CIMAP2: variants seen among roughly 807,000 people sequenced by gnomAD.
CIMAP2 encodes ciliary microtubule associated protein 2, also known as ciliary microtubule-associated protein 2.
chr1:54,817,089 A>G, the CIMAP2 span: 1 of 1,614,050 alleles, frequency 6.2e-7, no homozygotes, highest in Admixed American at 1.7e-5. Context: ...TCCAAACGCT[A>G]CCTCTCAGAC....
the CIMAP2 span, among the ~76,000 whole-genome samples, chr1:54,839,465 C>T: frequency 6.6e-6 from 1 of 152,044 alleles, no homozygotes; most frequent in Non-Finnish European, 1.5e-5. Context: ...CTAACCTCTG[C>T]CTCCTGGGTT....
chr1:54,819,256 C>T, the CIMAP2 span, among the ~76,000 whole-genome samples: 1 of 152,178 alleles, frequency 6.6e-6, no homozygotes, highest in Non-Finnish European at 1.5e-5. Flanking sequence ...CTCCTACCCC[C>T]TCTCTTCTCA....
the CIMAP2 span, among the ~76,000 whole-genome samples, chr1:54,819,883 T>C: frequency 8.0e-5 from 12 of 149,744 alleles, no homozygotes; most frequent in Non-Finnish European, 1.3e-4. Flanking sequence ...CTTCCTTTCT[T>C]CTTTCCCTTC....
chr1:54,819,514 G>A, the CIMAP2 span, among the ~76,000 whole-genome samples: 7 of 152,188 alleles, frequency 4.6e-5, no homozygotes, highest in East Asian at 5.8e-4. Flanking sequence ...CTATAGGTGC[G>A]TGCCACCATG....
the CIMAP2 span, chr1:54,817,140 TGC>T: frequency 6.2e-7 from 1 of 1,613,756 alleles, no homozygotes; most frequent in South Asian, 1.1e-5. Context: ...CAGCTGGAGC[TGC>T]AGGCGAAGGG....
chr1:54,840,070 A>G, the CIMAP2 span, among the ~76,000 whole-genome samples: 1 of 152,210 alleles, frequency 6.6e-6, no homozygotes, highest in African/African-American at 2.4e-5. Context: ...AGTTTTGACA[A>G]ATGCATGTAG....
At chr1:54,840,993 A>G in the CIMAP2 span, among the ~76,000 whole-genome samples, 1 of 152,196 alleles carries the variant, frequency 6.6e-6, no homozygotes, top group Non-Finnish European at 1.5e-5. Flanking sequence ...CTGCCTCAAT[A>G]GTAGAAATGA....
the CIMAP2 span, among the ~76,000 whole-genome samples, chr1:54,809,871 G>A: frequency 5.2e-5 from 1 of 19,102 alleles, no homozygotes; most frequent in African/African-American, 1.1e-4. Flanking sequence ...TCAAAGTCCA[G>A]CCTGAAAAAA....
chr1:54,814,997 G>C, the CIMAP2 span: 3 of 1,614,070 alleles, frequency 1.9e-6, no homozygotes, highest in Admixed American at 5.0e-5. Flanking sequence ...TGACCTCCAA[G>C]GGGTCAGGTG....
chr1:54,839,648 G>A, the CIMAP2 span, among the ~76,000 whole-genome samples: 1 of 152,080 alleles, frequency 6.6e-6, no homozygotes. Flanking sequence ...AAAGTGCTAG[G>A]ATTATAGGCA....
At chr1:54,810,479 C>T in the CIMAP2 span, among the ~76,000 whole-genome samples, 112 of 152,284 alleles carry the variant, frequency 7.4e-4, no homozygotes, top group African/African-American at 2.7e-3. Context: ...CGTGGGAACC[C>T]TGGAAGGAGA....
At chr1:54,819,801 C>CTTT in the CIMAP2 span, among the ~76,000 whole-genome samples, 1 of 85,014 alleles carries the variant, frequency 1.2e-5, no homozygotes, top group Non-Finnish European at 2.4e-5. Flanking sequence ...CTTCTCTTTT[C>CTTT]TTCTTTTTCT....
At chr1:54,838,251 G>A in the CIMAP2 span, among the ~76,000 whole-genome samples, 3 of 152,224 alleles carry the variant, frequency 2.0e-5, no homozygotes, top group Non-Finnish European at 1.5e-5. Flanking sequence ...GGGAGGCTGA[G>A]GCAGGCAGAT....
the CIMAP2 span, among the ~76,000 whole-genome samples, chr1:54,819,554 A>G: frequency 6.6e-5 from 10 of 152,156 alleles, no homozygotes; most frequent in South Asian, 6.2e-4. Flanking sequence ...TTATTTTTGT[A>G]GAGACAGAGT....
the CIMAP2 span, among the ~76,000 whole-genome samples, chr1:54,810,736 C>CA: frequency 2.0e-5 from 3 of 152,218 alleles, no homozygotes; most frequent in Non-Finnish European, 4.4e-5. Context: ...ACTCTGCCTA[C>CA]AAAATCACGC....
At chr1:54,814,926 C>T in the CIMAP2 span, 11 of 1,614,168 alleles carry the variant, frequency 6.8e-6, no homozygotes, top group Non-Finnish European at 9.3e-6. Flanking sequence ...CACATCTGGC[C>T]CCAGTTTCTG....
the CIMAP2 span, chr1:54,841,792 T>G: frequency 6.3e-7 from 1 of 1,591,338 alleles, no homozygotes; most frequent in Non-Finnish European, 8.6e-7. Flanking sequence ...TTTTTCTGTC[T>G]TTTTAAAGGG....
the CIMAP2 span, among the ~76,000 whole-genome samples, chr1:54,818,214 C>G: frequency 6.6e-6 from 1 of 152,160 alleles, no homozygotes; most frequent in Non-Finnish European, 1.5e-5. Context: ...GTGCTGGGTA[C>G]TTAGTGGCTT....
the CIMAP2 span, among the ~76,000 whole-genome samples, chr1:54,808,612 C>CGGAGG: frequency 5.9e-5 from 4 of 67,344 alleles, no homozygotes; most frequent in Admixed American, 1.5e-4. Flanking sequence ...CAGGTGCTGC[C>CGGAGG]GGGGGAGGGC....
Sources: allele counts gnomAD v4.1 joint callset (sites outside exome capture counted in the v4.1 genomes callset), GRCh38; gene constraint gnomAD v4.1.1; transcripts MANE v1.5; gene names NCBI Gene and HGNC (gene_info 2026-07-23, HGNC 2026-07-21).